RCSD1: variants seen among roughly 807,000 people sequenced by gnomAD.
RCSD1 encodes capZ-interacting protein.
Under a neutral mutation model 42.5 loss-of-function variants are expected in RCSD1, and 26 were observed. The ratio of observed to expected loss-of-function variants is 0.61; its 90% CI spans 0.45 to 0.85. The LOEUF (loss-of-function observed/expected upper bound fraction) is 0.85, where lower values mean the gene tolerates loss of function less well. Among genes scored for constraint, RCSD1 ranks in the 40% least tolerant of loss-of-function variants. The probability of loss-of-function intolerance (pLI) is 0.00; values close to 1 mark genes in which losing one functional copy is unlikely to be tolerated. For synonymous variants in RCSD1, 220 were observed against 212.2 expected (o/e 1.04, Z -0.32); for missense variants, 571 against 528.3 (o/e 1.08, Z -0.79).
intron 1 of RCSD1, among the ~76,000 whole-genome samples, chr1:167,637,882 C>G (rs759209955): frequency 2.0e-5 from 3 of 152,200 alleles, no homozygotes; most frequent in Non-Finnish European, 2.9e-5. Flanking sequence ...CAGAGGCAGA[C>G]AAGGGATGCA....
At chr1:167,682,328 C>T (rs763135870) in intron 1 of RCSD1, among the ~76,000 whole-genome samples, 4 of 152,124 alleles carry the variant, frequency 2.6e-5, no homozygotes, top group African/African-American at 7.2e-5. Context: ...CACCACCACA[C>T]CCGGCTAATT....
At chr1:167,647,418 A>C (rs1344415038) in intron 1 of RCSD1, among the ~76,000 whole-genome samples, 1 of 143,726 alleles carries the variant, frequency 7.0e-6, no homozygotes, top group Non-Finnish European at 1.5e-5. Context: ...GTGAGACCCC[A>C]TCGCTACAAA....
At chr1:167,668,003 C>T (rs1658700629) in intron 1 of RCSD1, among the ~76,000 whole-genome samples, 1 of 152,054 alleles carries the variant, frequency 6.6e-6, no homozygotes, top group Admixed American at 6.6e-5. Flanking sequence ...ATTTTAAAAG[C>T]TCTCGGGCCA....
chr1:167,696,986 C>T, intron 5 of RCSD1, 113 bp from the exon 6 acceptor site: 5 of 929,368 alleles, frequency 5.4e-6, no homozygotes, highest in Non-Finnish European at 8.0e-6. Context: ...TTAAACGGTC[C>T]TTGCGTGGAC....
chr1:167,631,135 C>T (rs553755673), intron 1 of RCSD1, among the ~76,000 whole-genome samples: 11 of 152,328 alleles, frequency 7.2e-5, no homozygotes, highest in African/African-American at 2.2e-4. Flanking sequence ...AGGGAGGCCC[C>T]GCACTTCTCT....
rs984256240 is a variant in RCSD1 at position 167,630,264 on chromosome 1, C to T, written c.-160C>T. On this transcript the variant is annotated 5_prime_UTR_variant, in exon 1 of 7. Transcript: ENST00000367854. The stretch of plus-strand genomic sequence containing the variant: ...GCAGGGCCCCCGCGGCCGGGGCAGT[C>T]CCGCAGCCGAGCGCAGCCGGGCGCG... 6.6e-6 allele frequency: 4 copies of T among 603,030 alleles called. No homozygotes were observed. The highest frequency in any genetic ancestry group is 9.1e-6 in the Non-Finnish European group (4 of 441,236). 37.4% of individuals were successfully genotyped at this position (603,030 alleles called of 1,614,324 possible).
At chr1:167,669,940 T>C (rs1383346712) in intron 1 of RCSD1, among the ~76,000 whole-genome samples, 1 of 152,020 alleles carries the variant, frequency 6.6e-6, no homozygotes. Context: ...AGGTATGCCC[T>C]GGCTTCCTGC....
At chr1:167,660,850 T>C (rs1207222252) in intron 1 of RCSD1, among the ~76,000 whole-genome samples, 1 of 152,222 alleles carries the variant, frequency 6.6e-6, no homozygotes, top group Non-Finnish European at 1.5e-5. Flanking sequence ...ACAGAGGAAC[T>C]TAATTTCTCT....
intron 1 of RCSD1, among the ~76,000 whole-genome samples, chr1:167,661,326 C>G (rs931701810): frequency 6.6e-6 from 1 of 152,226 alleles, no homozygotes; most frequent in Non-Finnish European, 1.5e-5. Context: ...TCCACATCCT[C>G]CCCTGGTGGA....
intron 3 of RCSD1, among the ~76,000 whole-genome samples, chr1:167,687,870 C>G (rs969761744): frequency 3.3e-5 from 5 of 152,254 alleles, no homozygotes; most frequent in Non-Finnish European, 5.9e-5. Flanking sequence ...GAAGAACCAG[C>G]TGAAGTTGGG....
At position 167,707,232 on chromosome 1, in the gene RCSD1, T is replaced by G. The variant is rs970871989; in HGVS notation, c.*2536T>G. On this transcript the variant is annotated 3_prime_UTR_variant, in exon 7 of 7. Coordinates refer to ENST00000367854, the MANE Select transcript of RCSD1 (RefSeq NM_052862.4). ...CCCTCACGGAGATCACCCTGAACAA[T>G]GCCCAGTTTTTCATGCAGGTTTTGT... 6.6e-6 allele frequency among the ~76,000 whole-genome samples: 1 copy of G among 152,232 alleles called. No individual in the cohort carries two copies. Among genetic ancestry groups the G allele is most frequent in the Non-Finnish European group, 1.5e-5 (1 of 68,048 alleles).
chr1:167,656,271 T>G (rs1172064546), intron 1 of RCSD1, among the ~76,000 whole-genome samples: 1 of 152,168 alleles, frequency 6.6e-6, no homozygotes, highest in South Asian at 2.1e-4. Context: ...TAATCCTCCC[T>G]AGAATTCAGT....
chr1:167,684,442 A>T lies in RCSD1; in HGVS notation c.108+441A>T, dbSNP rs369193886. Among the ~76,000 whole-genome samples the T allele has an allele frequency of 9.8e-5, 15 of 152,346 alleles. No homozygotes were observed. The South Asian group carries it at 3.1e-3, about 32-fold the overall frequency. On this transcript the variant is annotated intron_variant, in intron 2 of 6. Coordinates refer to ENST00000367854, the MANE Select transcript of RCSD1 (RefSeq NM_052862.4). ...GAAGAGAGGGCTTGAAGGAAAGCAC[A>T]TTCAGATAGGAAACCAGGGATCAGG...
chr1:167,678,237 C>T (rs565117104), intron 1 of RCSD1, among the ~76,000 whole-genome samples: 10 of 152,290 alleles, frequency 6.6e-5, no homozygotes, highest in Admixed American at 3.9e-4. Context: ...TAGTGACTCT[C>T]CAAGTTTTGT....
In RCSD1 at chr1:167,697,812, C is replaced by A; in HGVS notation, c.1188C>A (p.Val396=). The part of the protein sequence containing the change: ...GPAQLETSSE[V]QSEPAVPKPE... ...CCCAGCTGGAGACCAGCAGTGAGGT[C>A]CAGAGCGAGCCAGCAGTCCCCAAGC... The change falls in exon 6 of 7, where the codon GTC becomes GTA. Residue 396 remains valine (V), a synonymous_variant. Transcript: ENST00000367854. The A allele has an allele frequency of 6.8e-7, 1 of 1,467,588 alleles. No homozygotes were observed. The highest frequency in any genetic ancestry group is 2.4e-5 in the East Asian group (1 of 41,408). The allele number at this position is 1,467,588 out of a possible 1,614,324, so 90.9% of individuals were successfully genotyped here.
rs1466654400 is a variant in RCSD1 at position 167,704,850 on chromosome 1, T to C, written c.*154T>C. ...TGAAGACACAGGGTGGATTATTTCC[T>C]GGCCTCCACACCAAACGTTCCCTTG... On this transcript the variant is annotated 3_prime_UTR_variant, in exon 7 of 7. Transcript: ENST00000367854. 5 of 679,982 alleles carry C rather than the reference T, an allele frequency of 7.4e-6. No homozygotes were observed. In the East Asian group the frequency reaches 1.4e-4, roughly 19 times the overall value. The allele number at this position is 679,982 out of a possible 1,614,324, so 42.1% of individuals were successfully genotyped here. A position where few individuals can be genotyped will look rare whatever the true frequency, so the allele number is the denominator to read the frequency against.
intron 1 of RCSD1, among the ~76,000 whole-genome samples, chr1:167,668,052 A>T (rs1172282245): frequency 6.6e-6 from 1 of 152,106 alleles, no homozygotes; most frequent in Non-Finnish European, 1.5e-5. Flanking sequence ...ACACTTTAGG[A>T]GGCCAAGGCG....
intron 1 of RCSD1, among the ~76,000 whole-genome samples, chr1:167,681,761 G>C (rs1571700182): frequency 6.6e-6 from 1 of 152,234 alleles, no homozygotes; most frequent in East Asian, 1.9e-4. Context: ...CAAGAAGTTA[G>C]ACAGATGGAC....
At chr1:167,665,355 C>T (rs1450326628) in intron 1 of RCSD1, among the ~76,000 whole-genome samples, 1 of 150,880 alleles carries the variant, frequency 6.6e-6, no homozygotes, top group Non-Finnish European at 1.5e-5. Flanking sequence ...ATTTGTCTGT[C>T]TACTTACCCA....
Sources: allele counts gnomAD v4.1 joint callset (sites outside exome capture counted in the v4.1 genomes callset), GRCh38; gene constraint gnomAD v4.1.1; transcripts MANE v1.5; gene names NCBI Gene and HGNC (gene_info 2026-07-23, HGNC 2026-07-21).